IL26: variants seen among roughly 807,000 people sequenced by gnomAD.
IL26 encodes the protein interleukin-26.
A neutral mutation model predicts 21.7 loss-of-function variants in IL26; 23 were observed. That is an observed-to-expected ratio of 1.06 (90% CI 0.76 to 1.50). IL26 has a LOEUF of 1.50. Ranked by LOEUF, IL26 falls within the 40% of genes most tolerant of loss-of-function variation. The pLI, the probability that IL26 is intolerant of heterozygous loss-of-function variation, is 0.00. For missense variants in IL26, 204 were observed against 196.0 expected, an observed-to-expected ratio of 1.04 and a Z score of -0.24; for synonymous variants, 63 against 67.8, an observed-to-expected ratio of 0.93 and a Z score of 0.34.
At position 68,214,607 on chromosome 12, in the gene IL26, C is replaced by T. The variant is rs377571326; in HGVS notation, c.363+10542G>A. The stretch of plus-strand genomic sequence containing the variant: ...ATAGTGACTTTCTACCCTCTTTTTA[C>T]GGACTTTGGCTTGTAGTCTATCTGA... On this transcript the variant is annotated intron_variant, in intron 3 of 4. Coordinates refer to ENST00000229134, the MANE Select transcript of IL26 (RefSeq NM_018402.2). Among the ~76,000 whole-genome samples, 24 of 152,214 alleles carry T rather than the reference C, an allele frequency of 1.6e-4. 1 individual carries two copies. The East Asian group carries it at 2.1e-3, about 13-fold the overall frequency.
rs201766600 is a variant in IL26 at position 68,225,789 on chromosome 12, C to A, written c.-33G>T. 5.0e-6 allele frequency: 8 copies of A among 1,608,834 alleles called. No homozygotes were observed. The highest frequency in any genetic ancestry group is 1.3e-5 in the African/African-American group (1 of 74,988). On this transcript the variant is annotated 5_prime_UTR_variant, in exon 1 of 5. Transcript: ENST00000229134. The stretch of plus-strand genomic sequence containing the variant: ...CACCCCACTCAGCGTGTGTCACTCA[C>A]AGCAGCCCAAGAGATACTAATGCCG...
chr12:68,208,216 C>G (rs1471501158), intron 3 of IL26, among the ~76,000 whole-genome samples: 10 of 152,134 alleles, frequency 6.6e-5, no homozygotes, highest in Admixed American at 6.5e-4. Context: ...CCTCTGAAGT[C>G]TTCCAGAAGA....
At chr12:68,215,707 G>T (rs117964427) in intron 3 of IL26, among the ~76,000 whole-genome samples, 42 of 152,080 alleles carry the variant, frequency 2.8e-4, no homozygotes, top group Non-Finnish European at 5.1e-4. Context: ...TCCCTCTGTT[G>T]CTGAGGCTGG....
chr12:68,210,430 A>G (rs1040852157), intron 3 of IL26, among the ~76,000 whole-genome samples: 1 of 149,276 alleles, frequency 6.7e-6, no homozygotes, highest in Non-Finnish European at 1.5e-5. Context: ...GACACCAGAA[A>G]GATTTATAGG....
At chr12:68,211,937 C>CA (rs11570943) in intron 3 of IL26, among the ~76,000 whole-genome samples, 17,200 of 151,008 alleles carry the variant, frequency 0.11, 1,018 homozygotes, top group Admixed American at 0.13. Flanking sequence ...AGGACTTACT[C>CA]AAAAAAAAAT....
chr12:68,205,334 C>A (rs1428717090), intron 3 of IL26, among the ~76,000 whole-genome samples: 1 of 136,134 alleles, frequency 7.3e-6, no homozygotes, highest in East Asian at 2.3e-4. Context: ...ACATTAGACC[C>A]CCCCCAAATT....
At chr12:68,214,838 A>C (rs1026565727) in intron 3 of IL26, among the ~76,000 whole-genome samples, 1 of 149,218 alleles carries the variant, frequency 6.7e-6, no homozygotes, top group Non-Finnish European at 1.5e-5. Flanking sequence ...CAATGTTATC[A>C]TTGATAGGTA....
chr12:68,201,724 C>G lies in IL26; in HGVS notation c.*121G>C. ...ATCCTTCTTGTCTATTCTGAATCACCTAACATGCCGTCAGTATTATGTTAA... is the reference window on the plus strand; with the variant it reads ...ATCCTTCTTGTCTATTCTGAATCACGTAACATGCCGTCAGTATTATGTTAA... On this transcript the variant is annotated 3_prime_UTR_variant, in exon 5 of 5. Transcript: ENST00000229134. 2 of 576,986 alleles carry G rather than the reference C, an allele frequency of 3.5e-6. No homozygotes were observed. Among genetic ancestry groups the G allele is most frequent in the Admixed American group, 3.6e-5 (1 of 27,660 alleles). 35.7% of individuals were successfully genotyped at this position (576,986 alleles called of 1,614,324 possible). A position where few individuals can be genotyped will look rare whatever the true frequency, so the allele number is the denominator to read the frequency against.
chr12:68,207,595 G>A (rs751029521), intron 3 of IL26, among the ~76,000 whole-genome samples: 12 of 152,190 alleles, frequency 7.9e-5, no homozygotes, highest in African/African-American at 1.4e-4. Flanking sequence ...TTATCTTCAT[G>A]TGAGCAGTTT....
chr12:68,223,396 C>T (rs1869118554), intron 3 of IL26, among the ~76,000 whole-genome samples: 1 of 152,206 alleles, frequency 6.6e-6, no homozygotes, highest in Non-Finnish European at 1.5e-5. Context: ...AGGAAAACTT[C>T]ACCAGAAACA....
At chr12:68,225,337 TG>T in intron 2 of IL26, 54 bp from the exon 3 acceptor site, 2 of 1,565,838 alleles carry the variant, frequency 1.3e-6, no homozygotes, top group Non-Finnish European at 1.7e-6. Context: ...CGTTTTTTAA[TG>T]TCCCCCGATC....
chr12:68,215,091 A>C (rs1364392870), intron 3 of IL26, among the ~76,000 whole-genome samples: 2 of 152,216 alleles, frequency 1.3e-5, no homozygotes, highest in Non-Finnish European at 2.9e-5. Flanking sequence ...ATGACAACTT[A>C]TATTTGATCA....
intron 3 of IL26, among the ~76,000 whole-genome samples, chr12:68,202,442 C>A (rs1462132466): frequency 6.6e-6 from 1 of 152,056 alleles, no homozygotes; most frequent in African/African-American, 2.4e-5. Context: ...AAATAACTAC[C>A]CGAGACTGGG....
chr12:68,222,038 A>G (rs1193123836), intron 3 of IL26, among the ~76,000 whole-genome samples: 2 of 152,230 alleles, frequency 1.3e-5, no homozygotes, highest in African/African-American at 2.4e-5. Flanking sequence ...AGTTACCATC[A>G]CAAATTAAAA....
At chr12:68,213,065 T>A (rs1199865254) in intron 3 of IL26, among the ~76,000 whole-genome samples, 2 of 152,054 alleles carry the variant, frequency 1.3e-5, no homozygotes, top group Non-Finnish European at 2.9e-5. Flanking sequence ...CCCTTCTATA[T>A]CTAGTCTGTT....
intron 3 of IL26, among the ~76,000 whole-genome samples, chr12:68,215,011 T>C (rs1592898645): frequency 1.3e-5 from 2 of 152,204 alleles, no homozygotes; most frequent in Non-Finnish European, 2.9e-5. Flanking sequence ...TTTATTATAG[T>C]TTTTGCTTTG....
At chr12:68,219,690 T>C (rs1029356326) in intron 3 of IL26, among the ~76,000 whole-genome samples, 2 of 151,750 alleles carry the variant, frequency 1.3e-5, no homozygotes, top group African/African-American at 2.4e-5. Context: ...AATATAAATT[T>C]AATAGAAGAA....
At chr12:68,224,198 A>G (rs1300738548) in intron 3 of IL26, among the ~76,000 whole-genome samples, 1 of 152,162 alleles carries the variant, frequency 6.6e-6, no homozygotes. Context: ...GAGAAAGCAT[A>G]CTTGGACCCC....
At chr12:68,202,194 T>C in intron 3 of IL26, 111 bp from the exon 4 acceptor site, 1 of 573,846 alleles carries the variant, frequency 1.7e-6, no homozygotes, top group Non-Finnish European at 2.9e-6. Context: ...GAGCACTAGA[T>C]ATGCACTGGC....
Sources: gnomAD v4.1 joint callset for allele counts (sites outside exome capture counted in the v4.1 genomes callset) on GRCh38, gnomAD v4.1.1 for gene constraint, MANE v1.5 for transcripts, NCBI Gene and HGNC (gene_info 2026-07-23, HGNC 2026-07-21) for gene names.